Variants in GUCY1A2 observed in about 807,000 individuals in gnomAD.
GUCY1A2 encodes the protein guanylate cyclase soluble subunit alpha-2.
A neutral mutation model predicts 63.5 loss-of-function variants in GUCY1A2; 27 were observed. The observed-to-expected ratio is 0.43, with a 90% CI of 0.31 to 0.59. GUCY1A2 has a LOEUF of 0.59. GUCY1A2 is among the 20% of genes least tolerant of loss of function. The pLI is 0.11. For synonymous variants in GUCY1A2, 364 were observed against 343.5 expected (o/e 1.06, Z -0.66); for missense variants, 768 against 913.3 (o/e 0.84, Z 2.05).
At chr11:106,894,964 A>G (rs1860025713) in intron 4 of GUCY1A2, among the ~76,000 whole-genome samples, 1 of 152,100 alleles carries the variant, frequency 6.6e-6, no homozygotes, top group Admixed American at 6.6e-5. Flanking sequence ...TGAAAACAAA[A>G]CGTGGTTCTT....
intron 4 of GUCY1A2, among the ~76,000 whole-genome samples, chr11:106,849,328 T>C (rs941590472): frequency 2.0e-5 from 3 of 149,888 alleles, no homozygotes; most frequent in Non-Finnish European, 1.5e-5. Flanking sequence ...ATATATAATA[T>C]GCAAATTATT....
intron 1 of GUCY1A2, among the ~76,000 whole-genome samples, chr11:107,002,952 T>C (rs974034909): frequency 3.9e-5 from 6 of 152,176 alleles, no homozygotes; most frequent in Non-Finnish European, 5.9e-5. Flanking sequence ...CCCTTGAGTA[T>C]AAAGAAAGAA....
In GUCY1A2 at chr11:106,722,907, C is replaced by T. The variant is rs192326305; in HGVS notation, c.1837-14241G>A. Among the ~76,000 whole-genome samples, 8 of 152,156 alleles carry T rather than the reference C, an allele frequency of 5.3e-5. No individual in the cohort carries two copies. In the East Asian group the frequency reaches 1.5e-3, roughly 29 times the overall value. On this transcript the variant is annotated intron_variant, in intron 6 of 7. Transcript: ENST00000526355. ...TTGTTTTGTTTTGACCCCATTCCCC[C>T]AGACATGTGAAATTCAGAATAAGAA...
At chr11:106,713,496 C>CTTTTTT (rs143909145) in intron 6 of GUCY1A2, among the ~76,000 whole-genome samples, 22 of 78,396 alleles carry the variant, frequency 2.8e-4, no homozygotes, top group East Asian at 8.0e-4. Context: ...TAGTATGTTT[C>CTTTTTT]TTTTTTTTTT....
At chr11:106,777,672 G>C (rs1229187093) in intron 5 of GUCY1A2, among the ~76,000 whole-genome samples, 1 of 122,880 alleles carries the variant, frequency 8.1e-6, no homozygotes, top group African/African-American at 3.2e-5. Flanking sequence ...ACATGCTGGG[G>C]CCTGTCGGGG....
chr11:106,777,654 G>A (rs1565286692), intron 5 of GUCY1A2, among the ~76,000 whole-genome samples: 1 of 147,186 alleles, frequency 6.8e-6, no homozygotes, highest in Non-Finnish European at 1.5e-5. Flanking sequence ...CACAGGGACA[G>A]GGACATCACA....
chr11:106,799,816 A>C (rs931038919), intron 5 of GUCY1A2, among the ~76,000 whole-genome samples: 2 of 152,216 alleles, frequency 1.3e-5, no homozygotes, highest in African/African-American at 4.8e-5. Context: ...AATACCATTC[A>C]GGACATAGGC....
chr11:106,952,988 G>A (rs1314938195), intron 3 of GUCY1A2, among the ~76,000 whole-genome samples: 1 of 152,148 alleles, frequency 6.6e-6, no homozygotes, highest in Non-Finnish European at 1.5e-5. Context: ...GAGACAACTT[G>A]ACTTCCTCTC....
intron 4 of GUCY1A2, among the ~76,000 whole-genome samples, chr11:106,840,464 T>C (rs1364650550): frequency 1.3e-5 from 2 of 151,906 alleles, no homozygotes; most frequent in African/African-American, 4.8e-5. Context: ...GAAATACATA[T>C]TGGTTGTGAT....
At chr11:106,723,456 T>TAAC (rs1157485430) in intron 6 of GUCY1A2, among the ~76,000 whole-genome samples, 2 of 152,230 alleles carry the variant, frequency 1.3e-5, no homozygotes, top group Non-Finnish European at 2.9e-5. Context: ...AACAAAGATA[T>TAAC]AACAACATTT....
chr11:106,699,849 TC>T (rs1862787236), intron 7 of GUCY1A2, among the ~76,000 whole-genome samples: 1 of 151,874 alleles, frequency 6.6e-6, no homozygotes, highest in South Asian at 2.1e-4. Context: ...TGGCGCCATC[TC>T]GGCTCACTGC....
intron 5 of GUCY1A2, among the ~76,000 whole-genome samples, chr11:106,783,453 G>A (rs989458349): frequency 2.6e-5 from 4 of 152,002 alleles, no homozygotes; most frequent in African/African-American, 9.7e-5. Flanking sequence ...GGGCTGCCCT[G>A]CTGAAGGTAA....
rs963254058 is a variant in GUCY1A2, at chr11:106,799,214, G to T, written c.1692+10779C>A. On this transcript the variant is annotated intron_variant, in intron 5 of 7. Coordinates refer to ENST00000526355, the MANE Select transcript of GUCY1A2 (RefSeq NM_000855.3). ...GGGATATGAAGGACCTCTTGAAGGA[G>T]AACTACAAACCACTGCTCAATGAAA... is the stretch of plus-strand genomic sequence containing the variant. 5.9e-5 allele frequency among the ~76,000 whole-genome samples: 9 copies of T among 152,222 alleles called. No homozygotes were observed. In the East Asian group the frequency reaches 1.5e-3, roughly 26 times the overall value.
At chr11:106,906,522 G>C (rs773201267) in intron 4 of GUCY1A2, among the ~76,000 whole-genome samples, 1 of 152,092 alleles carries the variant, frequency 6.6e-6, no homozygotes, top group Non-Finnish European at 1.5e-5. Flanking sequence ...CATTGTGGGT[G>C]TTCACCCATT....
intron 5 of GUCY1A2, among the ~76,000 whole-genome samples, chr11:106,778,185 TATTA>T (rs1293641000): frequency 2.0e-5 from 3 of 152,202 alleles, no homozygotes; most frequent in East Asian, 1.9e-4. Flanking sequence ...GTTTTAATAT[TATTA>T]ATTAGGCTGA....
intron 6 of GUCY1A2, among the ~76,000 whole-genome samples, chr11:106,715,299 T>C (rs2135357613): frequency 6.6e-6 from 1 of 152,260 alleles, no homozygotes; most frequent in East Asian, 1.9e-4. Context: ...AGGAGGAGTG[T>C]TGGATTAGGA....
chr11:106,674,092 C>T lies in GUCY1A2; in HGVS notation c.*13457G>A, dbSNP rs1862306558. ...TGGACACTTTTAAGGTAAATAAATG[C>T]ATGACTTAACTAGACAATTTTGTAA... On this transcript the variant is annotated 3_prime_UTR_variant, in exon 8 of 8. Coordinates refer to ENST00000526355, the MANE Select transcript of GUCY1A2 (RefSeq NM_000855.3). The T allele has an allele frequency of 1.1e-5, 2 of 177,628 alleles. No homozygotes were observed. The allele number at this position is 177,628 out of a possible 1,614,324, so 11.0% of individuals were successfully genotyped here.
intron 4 of GUCY1A2, among the ~76,000 whole-genome samples, chr11:106,878,245 A>G (rs961247061): frequency 3.9e-5 from 6 of 152,098 alleles, no homozygotes; most frequent in Non-Finnish European, 8.8e-5. Flanking sequence ...CTAAAAACAT[A>G]AATAACCATT....
intron 4 of GUCY1A2, among the ~76,000 whole-genome samples, chr11:106,816,813 T>C: frequency 6.6e-6 from 1 of 151,700 alleles, no homozygotes; most frequent in East Asian, 1.9e-4. Context: ...TAAGGGGATA[T>C]CACAAACAGC....
Sources: allele counts gnomAD v4.1 joint callset (sites outside exome capture counted in the v4.1 genomes callset), GRCh38; gene constraint gnomAD v4.1.1; transcripts MANE v1.5; gene names NCBI Gene and HGNC (gene_info 2026-07-23, HGNC 2026-07-21).